Variants in USP45 observed in about 807,000 individuals in gnomAD.
USP45 encodes the protein ubiquitin specific peptidase 45.
In USP45, 89 loss-of-function variants were observed where a neutral mutation model predicts 95.8. The observed-to-expected ratio is 0.93, with a 90% CI of 0.78 to 1.11. The LOEUF (loss-of-function observed/expected upper bound fraction) is 1.11. Among genes scored for constraint, USP45 ranks in the 50% least tolerant of loss-of-function variants. The probability of loss-of-function intolerance (pLI) is 0.00; values close to 1 mark genes in which losing one functional copy is unlikely to be tolerated. For synonymous variants in USP45, 281 were observed against 316.2 expected (o/e 0.89, Z 1.18); for missense variants, 898 against 942.5 (o/e 0.95, Z 0.62).
chr6:99,510,064 C>T (rs1227451981), intron 2 of USP45, 57 bp downstream of exon 2: 3 of 1,336,308 alleles, frequency 2.2e-6, no homozygotes, highest in Non-Finnish European at 3.2e-6. Flanking sequence ...GTTGAAGGGT[C>T]AACTGCATTG....
chr6:99,468,267 C>A (rs973479643), intron 10 of USP45: 3 of 503,102 alleles, frequency 6.0e-6, no homozygotes, highest in Non-Finnish European at 1.2e-5. Context: ...TTTCAACAAC[C>A]TTTCAAGTTT....
At position 99,435,639 on chromosome 6, in the gene USP45, G is replaced by C. The variant is rs13208607; in HGVS notation, c.*77C>G. ...TATTCCTACAGAAGAGGGAAGACTAGAAAGGCACATTATATATTATAGTTA... is the reference window on the plus strand; with the variant it reads ...TATTCCTACAGAAGAGGGAAGACTACAAAGGCACATTATATATTATAGTTA... On this transcript the variant is annotated 3_prime_UTR_variant, in exon 18 of 18. Coordinates refer to ENST00000500704, the MANE Select transcript of USP45 (RefSeq NM_001346022.3). 0.17 allele frequency: 215,581 copies of C among 1,305,280 alleles called. 20,774 individuals are homozygous for C. Among genetic ancestry groups the C allele is most frequent in the Non-Finnish European group, 0.19 (182,777 of 964,570 alleles). 80.9% of individuals were successfully genotyped at this position (1,305,280 alleles called of 1,614,324 possible).
chr6:99,506,307 G>C (rs1798510539), intron 4 of USP45, among the ~76,000 whole-genome samples: 1 of 152,090 alleles, frequency 6.6e-6, no homozygotes. Flanking sequence ...ATGCTAATAA[G>C]AAACTAGAAA....
intron 7 of USP45, among the ~76,000 whole-genome samples, 154 bp downstream of exon 7, chr6:99,488,046 T>A (rs932922073): frequency 1.3e-5 from 2 of 152,226 alleles, no homozygotes; most frequent in Non-Finnish European, 2.9e-5. Flanking sequence ...TTTTAGAAAT[T>A]TTAAATCTGA....
intron 8 of USP45, among the ~76,000 whole-genome samples, chr6:99,479,601 C>CAA (rs34635892): frequency 0.65 from 76,546 of 117,162 alleles, 25,717 homozygotes; most frequent in East Asian, 0.91. Flanking sequence ...TTCCAACAGA[C>CAA]AAAAAAAAAA....
rs1216141411 is a variant in USP45 at position 99,434,776 on chromosome 6, TG to T, written c.*939del. The T allele has an allele frequency of 6.6e-6, 1 of 152,182 alleles. No individual in the cohort carries two copies. The highest frequency in any genetic ancestry group is 1.5e-5 in the Non-Finnish European group (1 of 68,010). The allele number at this position is 152,182 out of a possible 1,614,324, so 9.4% of individuals were successfully genotyped here. On this transcript the variant is annotated 3_prime_UTR_variant, in exon 18 of 18. Transcript: ENST00000500704. Reference sequence around the variant, plus strand: ...TTCTCTATCATTTACAAATATAATTTGGTAATTTATATTTCAAAGCTATCCT... The same window carrying T: ...TTCTCTATCATTTACAAATATAATTTGTAATTTATATTTCAAAGCTATCCT...
intron 13 of USP45, among the ~76,000 whole-genome samples, chr6:99,449,643 G>C (rs934554024): frequency 1.2e-5 from 1 of 83,048 alleles, no homozygotes; most frequent in African/African-American, 3.5e-5. Context: ...AAGTTAACAA[G>C]GATAGCCAGG....
rs1396617324 is a variant in USP45 at position 99,433,630 on chromosome 6, A to G, written c.*2086T>C. On this transcript the variant is annotated 3_prime_UTR_variant, in exon 18 of 18. Coordinates refer to ENST00000500704, the MANE Select transcript of USP45 (RefSeq NM_001346022.3). ...TCTAGGCCATAAAAAAATAGGTTTC[A>G]TAAGTAGCTCCTTTAACATGAAGAA... 2 of 152,354 alleles carry G rather than the reference A, an allele frequency of 1.3e-5. No individual in the cohort carries two copies. The highest frequency in any genetic ancestry group is 3.9e-4 in the East Asian group (2 of 5,192). The allele number at this position is 152,354 out of a possible 1,614,324, so 9.4% of individuals were successfully genotyped here. A position where few individuals can be genotyped will look rare whatever the true frequency, so the allele number is the denominator to read the frequency against.
intron 5 of USP45, among the ~76,000 whole-genome samples, chr6:99,491,673 A>G (rs1795205190): frequency 6.6e-6 from 1 of 152,210 alleles, no homozygotes; most frequent in Admixed American, 6.5e-5. Context: ...GTACAATGAG[A>G]AGAATTATAA....
At chr6:99,439,694 C>T in intron 16 of USP45, 75 bp downstream of exon 16, 1 of 1,053,596 alleles carries the variant, frequency 9.5e-7, no homozygotes, top group Non-Finnish European at 1.3e-6. Context: ...TTAGAAAAAG[C>T]ATTGTCTAAT....
chr6:99,439,769 C>A lies in USP45; in HGVS notation c.2160G>T (p.Lys720Asn), dbSNP rs1297522773. 3 of 1,585,926 alleles carry A rather than the reference C, an allele frequency of 1.9e-6. No individual in the cohort carries two copies. Among genetic ancestry groups the A allele is most frequent in the Admixed American group, 1.7e-5 (1 of 57,230 alleles). ...DLAPFCSATC[K>N]NASVGDKVLY... Reference sequence around the variant, plus strand: ...AATTAAATATCTTAATATACTGTACCTTACAAGTAGCAGAGCAGAATGGTG... The same window carrying A: ...AATTAAATATCTTAATATACTGTACATTACAAGTAGCAGAGCAGAATGGTG... Residue 720 changes from lysine to asparagine, a missense_variant and splice_region_variant, in exon 16 of 18, where the codon AAG becomes AAT. Transcript: ENST00000500704.
At chr6:99,505,728 T>C (rs1798382091) in intron 4 of USP45, among the ~76,000 whole-genome samples, 1 of 151,940 alleles carries the variant, frequency 6.6e-6, no homozygotes, top group Non-Finnish European at 1.5e-5. Context: ...TCTAATTCAG[T>C]AATTCTTAAA....
Position 99,510,238 on chromosome 6 carries a change from G to T in USP45, c.-10-8C>A. On this transcript the variant is annotated splice_polypyrimidine_tract_variant and splice_region_variant and intron_variant, in intron 1 of 17. Transcript: ENST00000500704. ...ACCCGCATCTGTTATTTACTGAAGGGATTGAGGGAAAAAAATTCATACATT... is the reference window on the plus strand; with the variant it reads ...ACCCGCATCTGTTATTTACTGAAGGTATTGAGGGAAAAAAATTCATACATT... The T allele has an allele frequency of 1.3e-6, 2 of 1,587,620 alleles. No homozygotes were observed. The highest frequency in any genetic ancestry group is 1.7e-6 in the Non-Finnish European group (2 of 1,166,316).
chr6:99,517,601 A>ATTT (rs11398930), upstream of USP45, among the ~76,000 whole-genome samples: 36 of 136,778 alleles, frequency 2.6e-4, no homozygotes, highest in East Asian at 1.5e-3. Flanking sequence ...CACATAGCTA[A>ATTT]TTTTTTTTTT....
chr6:99,492,246 T>C (rs1249642842), intron 5 of USP45, among the ~76,000 whole-genome samples: 1 of 152,186 alleles, frequency 6.6e-6, no homozygotes, highest in Admixed American at 6.5e-5. Context: ...AACCAAGATA[T>C]ATCCACGCTT....
At position 99,446,268 on chromosome 6, in the gene USP45, C is replaced by T. The variant is rs190722362; in HGVS notation, c.1504G>A (p.Asp502Asn). ...KEASHSESNVDADSEPSESES... is the reference protein window; with the variant it reads ...KEASHSESNVNADSEPSESES... ...GATTCTGAAGGCTCACTGTCAGCAT[C>T]AACATTGCTTTCAGAATGGCTGGCT... The change falls in exon 14 of 18, where the codon GAT becomes AAT. Residue 502 changes from aspartate (D) to asparagine (N), a missense_variant. Physicochemically the swap from Asp to Asn is conservative, Grantham distance 23. Transcript: ENST00000500704. 1 of 1,614,080 alleles carries T rather than the reference C, an allele frequency of 6.2e-7. No individual in the cohort carries two copies. Among genetic ancestry groups the T allele is most frequent in the African/African-American group, 1.3e-5 (1 of 74,940 alleles).
chr6:99,486,625 TTATATA>T (rs71701972), intron 7 of USP45, among the ~76,000 whole-genome samples: 2 of 149,324 alleles, frequency 1.3e-5, no homozygotes, highest in Non-Finnish European at 3.0e-5. Context: ...AAGGAGGTTA[TTATATA>T]TATATAACAG....
chr6:99,448,716 C>T (rs758104086), intron 13 of USP45, among the ~76,000 whole-genome samples: 3 of 152,106 alleles, frequency 2.0e-5, no homozygotes, highest in Admixed American at 2.0e-4. Flanking sequence ...CTCCAAAACA[C>T]ATAATTGTCA....
intron 13 of USP45, among the ~76,000 whole-genome samples, chr6:99,454,538 T>A (rs1354652085): frequency 6.6e-6 from 1 of 152,026 alleles, no homozygotes; most frequent in East Asian, 1.9e-4. Flanking sequence ...ATCTGCAAAC[T>A]CTTCATCCTA....
Sources: gnomAD v4.1 joint callset for allele counts (sites outside exome capture counted in the v4.1 genomes callset) on GRCh38, gnomAD v4.1.1 for gene constraint, MANE v1.5 for transcripts, NCBI Gene and HGNC (gene_info 2026-07-23, HGNC 2026-07-21) for gene names.